Variants in POU6F2 observed in about 807,000 individuals in gnomAD.
POU6F2 encodes the protein POU class 6 homeobox 2.
Under a neutral mutation model 71.3 loss-of-function variants are expected in POU6F2, and 31 were observed. The observed-to-expected ratio is 0.43, with a 90% confidence interval of 0.33 to 0.59. The LOEUF is 0.59. Among genes scored for constraint, POU6F2 ranks in the 20% least tolerant of loss-of-function variants. The pLI, the probability that POU6F2 is intolerant of heterozygous loss-of-function variation, is 0.04. For synonymous variants in POU6F2, 347 were observed against 355.7 expected (o/e 0.98, Z 0.27); for missense variants, 783 against 856.8 (o/e 0.91, Z 1.07).
At chr7:39,276,613 T>C (rs1332882798) in intron 4 of POU6F2, among the ~76,000 whole-genome samples, 1 of 151,646 alleles carries the variant, frequency 6.6e-6, no homozygotes, top group Non-Finnish European at 1.5e-5. Flanking sequence ...GTATGTTTAT[T>C]GCGGCACTAT....
At position 39,008,361 on chromosome 7, in the gene POU6F2, T is replaced by G. The variant is rs565670135; in HGVS notation, c.105+30303T>G. Among the ~76,000 whole-genome samples the G allele has an allele frequency of 4.6e-5, 7 of 152,260 alleles. No individual in the cohort carries two copies. In the South Asian group the frequency reaches 1.5e-3, roughly 32 times the overall value. ...TGTCTGTTCATGTCCTTCGCCCACT[T>G]TTTGATGGGGTTGTTTTTTCTTGTA... On this transcript the variant is annotated intron_variant, in intron 1 of 9. Transcript: ENST00000518318.
chr7:39,351,685 A>G (rs1786142432), intron 5 of POU6F2, among the ~76,000 whole-genome samples: 1 of 152,164 alleles, frequency 6.6e-6, no homozygotes, highest in Admixed American at 6.5e-5. Context: ...CAGATGCTGC[A>G]TTTCTAACCA....
chr7:39,183,443 G>A (rs1418208842), intron 2 of POU6F2, among the ~76,000 whole-genome samples: 1 of 152,320 alleles, frequency 6.6e-6, no homozygotes, highest in East Asian at 1.9e-4. Context: ...AGGAGAAGGA[G>A]GAAGAGAGAG....
intron 2 of POU6F2, among the ~76,000 whole-genome samples, chr7:39,091,018 T>A (rs1791354507): frequency 6.6e-6 from 1 of 152,052 alleles, no homozygotes. Flanking sequence ...GGGGTATTTT[T>A]AAAAAAATCA....
chr7:39,415,020 T>A (rs1009435109), intron 6 of POU6F2, among the ~76,000 whole-genome samples: 6 of 152,040 alleles, frequency 3.9e-5, no homozygotes, highest in African/African-American at 9.7e-5. Context: ...TTTTTAAATT[T>A]TTTGTTTGTT....
At position 39,460,552 on chromosome 7, in the gene POU6F2, C is replaced by T; in HGVS notation, c.1495C>T (p.Gln499Ter). 6.2e-7 allele frequency: 1 copy of T among 1,613,636 alleles called. No individual in the cohort carries two copies. Among genetic ancestry groups the T allele is most frequent in the Non-Finnish European group, 8.5e-7 (1 of 1,179,756 alleles). Residue 499 changes from glutamine to a stop codon, truncating the protein, a stop_gained, in exon 9 of 10, where the codon CAA becomes TAA. Coordinates refer to ENST00000518318, the MANE Select transcript of POU6F2 (RefSeq NM_001370959.1). LOFTEE classifies it high-confidence loss of function. This position sits in a 1 kb window ranked among gnomAD's most constrained non-coding sequence, Gnocchi z 4.4. Reference sequence around the variant, plus strand: ...TTTTAAAAACATCTCCACAGATCCTCAAACGGCAGCGGGTGAGGTGGATGG... The same window carrying T: ...TTTTAAAAACATCTCCACAGATCCTTAAACGGCAGCGGGTGAGGTGGATGG... ...LSVGQLVSNP[Q>*]TAAGEVDGVN...
intron 8 of POU6F2, among the ~76,000 whole-genome samples, chr7:39,453,098 A>C (rs1212306357): frequency 6.6e-6 from 1 of 152,192 alleles, no homozygotes; most frequent in Non-Finnish European, 1.5e-5. Context: ...ATCTCAAAAA[A>C]AGAAAAAATG....
chr7:39,437,201 A>G (rs1402279537), intron 7 of POU6F2, among the ~76,000 whole-genome samples: 5 of 152,186 alleles, frequency 3.3e-5, no homozygotes, highest in Non-Finnish European at 7.3e-5. Context: ...CAATGATACC[A>G]GCTCCTTTTT....
chr7:39,260,490 C>T (rs1259188535), intron 4 of POU6F2, among the ~76,000 whole-genome samples: 1 of 134,862 alleles, frequency 7.4e-6, no homozygotes, highest in East Asian at 2.3e-4. Context: ...ACAAGCCACA[C>T]ACACATCATG....
intron 2 of POU6F2, among the ~76,000 whole-genome samples, chr7:39,104,190 A>G (rs1365085260): frequency 1.3e-5 from 2 of 152,262 alleles, no homozygotes; most frequent in East Asian, 1.9e-4. Context: ...CTTAAAGTGC[A>G]GGTGCTCTAG....
chr7:39,352,631 A>G (rs1786160656), intron 5 of POU6F2, among the ~76,000 whole-genome samples: 1 of 152,180 alleles, frequency 6.6e-6, no homozygotes, highest in South Asian at 2.1e-4. Context: ...CATAGTAAGC[A>G]TACTCCAGTG....
At chr7:39,423,678 C>T (rs1455035146) in intron 6 of POU6F2, among the ~76,000 whole-genome samples, 5 of 152,134 alleles carry the variant, frequency 3.3e-5, no homozygotes, top group African/African-American at 4.8e-5. Flanking sequence ...CTTAAAGCTT[C>T]GAGTATATGT....
intron 2 of POU6F2, among the ~76,000 whole-genome samples, chr7:39,172,357 A>C (rs1793233186): frequency 1.3e-5 from 2 of 152,144 alleles, no homozygotes; most frequent in Non-Finnish European, 2.9e-5. Context: ...TCCAGGTAAC[A>C]TCATTTTGGA....
At chr7:39,358,089 G>T (rs542242798) in intron 5 of POU6F2, among the ~76,000 whole-genome samples, 6 of 152,170 alleles carry the variant, frequency 3.9e-5, no homozygotes, top group African/African-American at 1.2e-4. Context: ...AAAAGAAAAA[G>T]CATGACATTT....
Position 39,233,512 on chromosome 7 carries a change from C to T in POU6F2, c.598+25892C>T, listed in dbSNP as rs867962537. On this transcript the variant is annotated intron_variant, in intron 4 of 9. Coordinates refer to ENST00000518318, the MANE Select transcript of POU6F2 (RefSeq NM_001370959.1). ...TCTGGGACTTGTAGGAAGGGTCTGT[C>T]CCGAGGCTGATCTACTTCCCTCCCT... Among the ~76,000 whole-genome samples, 9 of 152,250 alleles carry T rather than the reference C, an allele frequency of 5.9e-5. No individual in the cohort carries two copies. In the South Asian group the frequency reaches 1.9e-3, roughly 32 times the overall value.
rs574708984 is a variant in POU6F2 at position 39,305,108 on chromosome 7, T to G, written c.599-34534T>G. Among the ~76,000 whole-genome samples, 333 of 152,360 alleles carry G rather than the reference T, an allele frequency of 2.2e-3. 1 individual carries two copies. The highest frequency in any genetic ancestry group is 7.8e-3 in the African/African-American group (326 of 41,588). On this transcript the variant is annotated intron_variant, in intron 4 of 9. Coordinates refer to ENST00000518318, the MANE Select transcript of POU6F2 (RefSeq NM_001370959.1). ...GTGATGCTAAAAGCCAATATGTAAC[T>G]TACAGGCTAAAATCATCATCATTAC...
At chr7:39,246,471 GA>G (rs1783823153) in intron 4 of POU6F2, among the ~76,000 whole-genome samples, 1 of 152,180 alleles carries the variant, frequency 6.6e-6, no homozygotes. Flanking sequence ...AACATTAGTG[GA>G]AGATGTGACC....
rs1224782650 is a variant in POU6F2, at chr7:39,449,450, T to C, written c.1321-2083T>C. Among the ~76,000 whole-genome samples the C allele has an allele frequency of 2.0e-5, 3 of 152,216 alleles. No homozygotes were observed. The East Asian group carries it at 5.8e-4, about 29-fold the overall frequency. On this transcript the variant is annotated intron_variant, in intron 7 of 9. Transcript: ENST00000518318. ...AATTAAAAAGCATGATGATCCTAAA[T>C]GTTAGTGAGATTGTGGAGCAACTGG... is the stretch of plus-strand genomic sequence containing the variant.
In POU6F2 at chr7:39,015,897, A is replaced by AT. The variant is rs1181994892; in HGVS notation, c.105+37840dup. 3.4e-5 allele frequency among the ~76,000 whole-genome samples: 3 copies of AT among 88,516 alleles called. 1 individual carries two copies. The highest frequency in any genetic ancestry group is 3.8e-4 in the East Asian group (1 of 2,624). The allele number at this position is 88,516 out of a possible 152,430, so 58.1% of individuals were successfully genotyped here. The stretch of plus-strand genomic sequence containing the variant: ...TATAGATATATATTATATATTATAT[A>AT]TAGATATATATTATATATTATATAT... On this transcript the variant is annotated intron_variant, in intron 1 of 9. Coordinates refer to ENST00000518318, the MANE Select transcript of POU6F2 (RefSeq NM_001370959.1).
Sources: allele counts gnomAD v4.1 joint callset (sites outside exome capture counted in the v4.1 genomes callset), GRCh38; gene constraint gnomAD v4.1.1; non-coding constraint Gnocchi (gnomAD v3.1); transcripts MANE v1.5; gene names NCBI Gene and HGNC (gene_info 2026-07-23, HGNC 2026-07-21).